Variants in BAG5 observed in about 807,000 individuals in gnomAD.
The protein encoded by BAG5 is BAG family molecular chaperone regulator 5.
In BAG5, 25 loss-of-function variants were observed where a neutral mutation model predicts 31.8. The ratio of observed to expected loss-of-function variants is 0.79; its 90% CI spans 0.57 to 1.10. The LOEUF (loss-of-function observed/expected upper bound fraction) is 1.10, where lower values mean the gene tolerates loss of function less well. Ranked by LOEUF, BAG5 falls within the 50% of genes least tolerant of loss-of-function variation. The pLI is 0.00. For synonymous variants in BAG5, 208 were observed against 205.0 expected (o/e 1.01, Z -0.13); for missense variants, 491 against 527.9 (o/e 0.93, Z 0.68).
Position 103,559,936 on chromosome 14 carries a change from T to A in BAG5, c.1229A>T (p.Asp410Val). The A allele has an allele frequency of 1.9e-6, 3 of 1,614,242 alleles. No individual in the cohort carries two copies. Among genetic ancestry groups the A allele is most frequent in the Non-Finnish European group, 2.5e-6 (3 of 1,180,040 alleles). ...ELLTKQLLAL[D>V]AVDPQGEEKC... ...CTCTTCTCCCTGCGGATCAACAGCATCCAGGGCTAGCAGCTGCTTGGTGAG... is the reference window on the plus strand; with the variant it reads ...CTCTTCTCCCTGCGGATCAACAGCAACCAGGGCTAGCAGCTGCTTGGTGAG... The change falls in exon 2 of 2, where the codon GAT (aspartate) becomes GTT (valine). Residue 410 changes from aspartate (D) to valine (V), a missense_variant. Coordinates refer to ENST00000299204, the MANE Select transcript of BAG5 (RefSeq NM_001015048.3).
In BAG5 at chr14:103,560,974, A is replaced by G. The variant is rs138587932; in HGVS notation, c.191T>C (p.Ile64Thr). The change falls in exon 2 of 2, where the codon ATT (isoleucine) becomes ACT (threonine). Residue 64 changes from isoleucine (I) to threonine (T), a missense_variant. Physicochemically the swap from Ile to Thr is moderately conservative, Grantham distance 89. Transcript: ENST00000299204. Reference protein sequence around the residue: ...DSVDTEGKGDIQQARKRAAQE... With the variant: ...DSVDTEGKGDTQQARKRAAQE... ...TGCTGCCCGCTTCCTAGCTTGCTGA[A>G]TATCTCCTTTTCCTTCAGTATCTAC... is the stretch of plus-strand genomic sequence containing the variant. 5 of 1,613,954 alleles carry G rather than the reference A, an allele frequency of 3.1e-6. No homozygotes were observed. In the Admixed American group the frequency reaches 5.0e-5, roughly 16 times the overall value.
rs777272419 is a variant in BAG5 at position 103,559,779 on chromosome 14, T to C, written c.*42A>G. The C allele has an allele frequency of 7.6e-6, 12 of 1,586,514 alleles. No homozygotes were observed. Among genetic ancestry groups the C allele is most frequent in the Admixed American group, 3.5e-5 (2 of 57,916 alleles). ...AAAGCTCTCTATACATAGAAGCACA[T>C]ATGAAGTGCAAAACAGTATCAAAAG... On this transcript the variant is annotated 3_prime_UTR_variant, in exon 2 of 2. Transcript: ENST00000299204.
rs2076062621 is a variant in BAG5 at position 103,560,266 on chromosome 14, G to A, written c.899C>T (p.Ser300Phe). 1.2e-6 allele frequency: 2 copies of A among 1,614,146 alleles called. No homozygotes were observed. The highest frequency in any genetic ancestry group is 1.7e-6 in the Non-Finnish European group (2 of 1,180,034). ...KNELLQAQNP[S>F]ELYLSSKTEL... ...TGTTTTGGAGCTCAGGTACAATTCA[G>A]AAGGGTTTTGTGCTTGGAGAAGTTC... Residue 300 changes from serine to phenylalanine, a missense_variant, in exon 2 of 2, where the codon TCT (serine) becomes TTT (phenylalanine). By Grantham distance (155) the Ser-to-Phe change is radical. Transcript: ENST00000299204.
In BAG5 at chr14:103,562,647, G is replaced by T. The variant is rs942319761; in HGVS notation, c.-60C>A. On this transcript the variant is annotated 5_prime_UTR_variant, in exon 1 of 2. Transcript: ENST00000299204. Reference sequence around the variant, plus strand: ...CGCCCGCGCCATCGCGCGATGCGTCGCCGACGCTTCCACGACTTCCGCAGC... The same window carrying T: ...CGCCCGCGCCATCGCGCGATGCGTCTCCGACGCTTCCACGACTTCCGCAGC... 6.3e-5 allele frequency: 13 copies of T among 206,054 alleles called. No homozygotes were observed. Among genetic ancestry groups the T allele is most frequent in the African/African-American group, 2.6e-4 (11 of 43,012 alleles). 12.8% of individuals were successfully genotyped at this position (206,054 alleles called of 1,614,324 possible). A position where few individuals can be genotyped will look rare whatever the true frequency, so the allele number is the denominator to read the frequency against.
chr14:103,561,977 C>G (rs768029686), intron 1 of BAG5: 1 of 1,614,050 alleles, frequency 6.2e-7, no homozygotes, highest in Non-Finnish European at 8.5e-7. Context: ...TCAAACGGCT[C>G]GCTCAAGGTG....
Position 103,560,340 on chromosome 14 carries a change from G to A in BAG5, c.825C>T (p.Ser275=). 1 of 1,613,938 alleles carries A rather than the reference G, an allele frequency of 6.2e-7. No individual in the cohort carries two copies. The highest frequency in any genetic ancestry group is 1.7e-4 in the Middle Eastern group (1 of 6,060). The change falls in exon 2 of 2, where the codon TCC becomes TCT. Residue 275 remains serine, a synonymous_variant. Transcript: ENST00000299204. ...TGAGGACCTTTTCTATTTTTAAAAT[G>A]GAATGATTCTGTCTCAGGTCAAATG... ...TKAFDLRQNH[S]ILKIEKVLKR... is the part of the protein sequence containing the mutation.
At position 103,559,803 on chromosome 14, in the gene BAG5, AGT is replaced by A; in HGVS notation, c.*16_*17del. 1.2e-6 allele frequency: 2 copies of A among 1,605,988 alleles called. No individual in the cohort carries two copies. Among genetic ancestry groups the A allele is most frequent in the African/African-American group, 2.7e-5 (2 of 74,924 alleles). On this transcript the variant is annotated 3_prime_UTR_variant, in exon 2 of 2. Transcript: ENST00000299204. ...ATATGAAGTGCAAAACAGTATCAAA[AGT>A]GAGATCTCTGGTATTTCAGTACTCC... is the stretch of plus-strand genomic sequence containing the variant.
chr14:103,561,301 G>A, intron 1 of BAG5, 109 bp from the exon 2 acceptor site: 24 of 1,205,006 alleles, frequency 2.0e-5, no homozygotes, highest in Non-Finnish European at 2.7e-5. Flanking sequence ...ATACTTCTGA[G>A]CAGTCATCCC....
At chr14:103,562,223 C>A (rs1235635346) in intron 1 of BAG5, 3 of 577,808 alleles carry the variant, frequency 5.2e-6, no homozygotes, top group Non-Finnish European at 9.3e-6. Flanking sequence ...TCGCACCCCT[C>A]CCGACTAGGT....
chr14:103,560,687 G>A lies in BAG5; in HGVS notation c.478C>T (p.Gln160Ter). Residue 160 changes from glutamine to a stop codon, truncating the protein, a stop_gained, in exon 2 of 2, where the codon CAA (glutamine) becomes TAA (stop). Coordinates refer to ENST00000299204, the MANE Select transcript of BAG5 (RefSeq NM_001015048.3). LOFTEE classifies it high-confidence loss of function. ...TTCATGCAGTCTTCGATTATCTCTT[G>A]CACCGCACAGATTTTGGTTAAAGTG... ...YHTLTKICAV[Q>*]EIIEDCMKKQ... 1.2e-6 allele frequency: 2 copies of A among 1,614,126 alleles called. No homozygotes were observed. The highest frequency in any genetic ancestry group is 1.3e-5 in the African/African-American group (1 of 75,026).
chr14:103,562,641 T>A lies in BAG5; in HGVS notation c.-54A>T, dbSNP rs1032185914. 1.6e-4 allele frequency: 32 copies of A among 199,440 alleles called. 1 individual carries two copies. Among genetic ancestry groups the A allele is most frequent in the Admixed American group, 1.4e-3 (23 of 16,548 alleles). The allele number at this position is 199,440 out of a possible 1,614,324, so 12.4% of individuals were successfully genotyped here. A position where few individuals can be genotyped will look rare whatever the true frequency, so the allele number is the denominator to read the frequency against. On this transcript the variant is annotated 5_prime_UTR_variant, in exon 1 of 2. Transcript: ENST00000299204. ...CTGTCCCGCCCGCGCCATCGCGCGA[T>A]GCGTCGCCGACGCTTCCACGACTTC...
In BAG5 at chr14:103,559,550, C is replaced by A; in HGVS notation, c.*271G>T. 2.8e-6 allele frequency: 1 copy of A among 353,412 alleles called. No individual in the cohort carries two copies. Among genetic ancestry groups the A allele is most frequent in the East Asian group, 5.3e-5 (1 of 19,004 alleles). The allele number at this position is 353,412 out of a possible 1,614,324, so 21.9% of individuals were successfully genotyped here. ...CATTTAAAATCTACAAAAGCTGCCT[C>A]TATTTTGTTTTCTGATTAAAAACGC... On this transcript the variant is annotated 3_prime_UTR_variant, in exon 2 of 2. Transcript: ENST00000299204.
chr14:103,558,184 C>T lies in BAG5; in HGVS notation c.*1637G>A, dbSNP rs2076049329. 1 of 152,168 alleles carries T rather than the reference C, an allele frequency of 6.6e-6. No homozygotes were observed. The highest frequency in any genetic ancestry group is 2.4e-5 in the African/African-American group (1 of 41,428). The allele number at this position is 152,168 out of a possible 1,614,324, so 9.4% of individuals were successfully genotyped here. On this transcript the variant is annotated 3_prime_UTR_variant, in exon 2 of 2. Transcript: ENST00000299204. ...CCTAAATACCGACTGCCCTCTGACC[C>T]CACCGTCCAGCGATTCTAGAACATT...
intron 1 of BAG5, among the ~76,000 whole-genome samples, chr14:103,561,452 G>A (rs183855527): frequency 2.0e-4 from 30 of 152,226 alleles, no homozygotes; most frequent in African/African-American, 7.0e-4. Flanking sequence ...AAAGTGCTGG[G>A]ATTAAGGTGT....
Position 103,560,128 on chromosome 14 carries a change from A to G in BAG5, c.1037T>C (p.Ile346Thr), listed in dbSNP as rs2076061485. The G allele has an allele frequency of 1.2e-6, 2 of 1,614,078 alleles. No homozygotes were observed. The highest frequency in any genetic ancestry group is 2.2e-5 in the East Asian group (1 of 44,878). The change falls in exon 2 of 2, where the codon ATT (isoleucine) becomes ACT (threonine). Residue 346 changes from isoleucine to threonine, a missense_variant. Transcript: ENST00000299204. ...VIEVQTLITY[I>T]DLKEALEKRK... The stretch of plus-strand genomic sequence containing the variant: ...TTTCTCAAGGGCCTCCTTCAAGTCA[A>G]TATATGTGATCAGAGTTTGCACCTC...
rs2076057539 is a variant in BAG5 at position 103,559,650 on chromosome 14, T to TA, written c.*170dup. 2 of 730,442 alleles carry TA rather than the reference T, an allele frequency of 2.7e-6. No homozygotes were observed. The highest frequency in any genetic ancestry group is 6.0e-5 in the Admixed American group (2 of 33,190). 45.2% of individuals were successfully genotyped at this position (730,442 alleles called of 1,614,324 possible). ...TCCGAATGGAAAAGTTAACGTGCTG[T>TA]AATGATATTTGTCTTGCAACATCAA... is the stretch of plus-strand genomic sequence containing the variant. On this transcript the variant is annotated 3_prime_UTR_variant, in exon 2 of 2. Transcript: ENST00000299204.
rs878991769 is a variant in BAG5, at chr14:103,558,484, C to T, written c.*1337G>A. ...CGGGGGAGGAGTCTGTTATAACACT[C>T]GGACCCACATGTTCTCAAGGCACTT... On this transcript the variant is annotated 3_prime_UTR_variant, in exon 2 of 2. Coordinates refer to ENST00000299204, the MANE Select transcript of BAG5 (RefSeq NM_001015048.3). 2.0e-5 allele frequency: 3 copies of T among 152,196 alleles called. No individual in the cohort carries two copies. Among genetic ancestry groups the T allele is most frequent in the African/African-American group, 7.2e-5 (3 of 41,440 alleles). The allele number at this position is 152,196 out of a possible 1,614,324, so 9.4% of individuals were successfully genotyped here.
rs1180199658 is a variant in BAG5, at chr14:103,560,177, C to T, written c.988G>A (p.Glu330Lys). The T allele has an allele frequency of 6.2e-7, 1 of 1,614,156 alleles. No homozygotes were observed. The highest frequency in any genetic ancestry group is 8.5e-7 in the Non-Finnish European group (1 of 1,180,034). Residue 330 changes from glutamate (E) to lysine (K), a missense_variant, in exon 2 of 2, where the codon GAA becomes AAA. By Grantham distance (56) the Glu-to-Lys change is moderately conservative (BLOSUM62 1). Coordinates refer to ENST00000299204, the MANE Select transcript of BAG5 (RefSeq NM_001015048.3). The part of the protein sequence containing the change: ...VSLEKNPCIR[E>K]ARRRAVIEVQ... Reference sequence around the variant, plus strand: ...TCGATCACTGCTCTTCTCCTGGCTTCCCGGATGCAGGGGTTTTTTTCAAGA... The same window carrying T: ...TCGATCACTGCTCTTCTCCTGGCTTTCCGGATGCAGGGGTTTTTTTCAAGA...
chr14:103,561,105 T>G lies in BAG5; in HGVS notation c.60A>C (p.Val20=), dbSNP rs775628535. The G allele has an allele frequency of 1.2e-6, 2 of 1,605,762 alleles. No individual in the cohort carries two copies. Among genetic ancestry groups the G allele is most frequent in the East Asian group, 4.5e-5 (2 of 44,886 alleles). ...ISRLQEIQKE[V]KSVEQQVIGF... ...CGATAACTTGCTGTTCTACACTTTT[T>G]ACTTCCTTTTGGATTTCCTGAAGCC... The change falls in exon 2 of 2, where the codon GTA becomes GTC. Residue 20 remains valine, a synonymous_variant. Transcript: ENST00000299204.
Sources: gnomAD v4.1 joint callset for allele counts (sites outside exome capture counted in the v4.1 genomes callset) on GRCh38, gnomAD v4.1.1 for gene constraint, MANE v1.5 for transcripts, NCBI Gene and HGNC (gene_info 2026-07-23, HGNC 2026-07-21) for gene names.